PIK3AP1: variants seen among roughly 807,000 people sequenced by gnomAD.
PIK3AP1 encodes phosphoinositide-3-kinase adaptor protein 1, also known as phosphoinositide 3-kinase adapter protein 1.
Under a neutral mutation model 88.1 loss-of-function variants are expected in PIK3AP1, and 21 were observed. The observed-to-expected ratio is 0.24, with a 90% confidence interval of 0.17 to 0.34. The LOEUF (loss-of-function observed/expected upper bound fraction) is 0.34. Ranked by LOEUF, PIK3AP1 falls within the 10% of genes least tolerant of loss-of-function variation. PIK3AP1 has a pLI of 1.00. For missense variants in PIK3AP1, 828 were observed against 1,035.7 expected, an observed-to-expected ratio of 0.80 and a Z score of 2.75; for synonymous variants, 398 against 400.0, an observed-to-expected ratio of 1.00 and a Z score of 0.06.
chr10:96,646,731 TG>T (rs1423449129), intron 7 of PIK3AP1, among the ~76,000 whole-genome samples: 5 of 152,148 alleles, frequency 3.3e-5, no homozygotes, highest in Non-Finnish European at 7.3e-5. Flanking sequence ...GAGATGATCT[TG>T]GATAAAGTGT....
At chr10:96,679,382 G>C (rs1843967871) in intron 2 of PIK3AP1, among the ~76,000 whole-genome samples, 2 of 152,080 alleles carry the variant, frequency 1.3e-5, no homozygotes, top group Admixed American at 6.6e-5. Flanking sequence ...ACAAAAATTA[G>C]CCAGGTGTGG....
chr10:96,700,066 A>G (rs1844275341), intron 2 of PIK3AP1, among the ~76,000 whole-genome samples: 1 of 152,220 alleles, frequency 6.6e-6, no homozygotes, highest in Admixed American at 6.5e-5. Flanking sequence ...AAATTCAGAC[A>G]GAGACAGGTG....
rs35018772 is a variant in PIK3AP1, at chr10:96,677,578, TACACACACACAC to T, written c.431-20656_431-20645del. Among the ~76,000 whole-genome samples, 860 of 121,182 alleles carry T rather than the reference TACACACACACAC, an allele frequency of 7.1e-3. 10 individuals carry two copies. The highest frequency in any genetic ancestry group is 0.023 in the African/African-American group (803 of 34,292). The allele number at this position is 121,182 out of a possible 152,430, so 79.5% of individuals were successfully genotyped here. ...GCTAACTACCTCCTCACTAAGCACA[TACACACACACAC>T]ACACACACACACACACACACACACA... On this transcript the variant is annotated intron_variant, in intron 2 of 16. Transcript: ENST00000339364.
chr10:96,684,804 T>C (rs544027172), intron 2 of PIK3AP1, among the ~76,000 whole-genome samples: 1 of 152,210 alleles, frequency 6.6e-6, no homozygotes, highest in Non-Finnish European at 1.5e-5. Context: ...ATGGAAAACC[T>C]AAATAAGATC....
chr10:96,603,710 A>G, intron 15 of PIK3AP1: 2 of 241,270 alleles, frequency 8.3e-6, no homozygotes, highest in East Asian at 9.6e-5. Context: ...ACACACACAC[A>G]CCACATATAT....
intron 2 of PIK3AP1, among the ~76,000 whole-genome samples, chr10:96,676,041 G>T (rs1342771783): frequency 6.6e-6 from 1 of 152,138 alleles, no homozygotes; most frequent in East Asian, 1.9e-4. Flanking sequence ...ATGAGGGGTT[G>T]CCAGGGTGGG....
At chr10:96,601,744 A>G (rs576189384) in intron 16 of PIK3AP1, among the ~76,000 whole-genome samples, 1 of 152,320 alleles carries the variant, frequency 6.6e-6, no homozygotes, top group East Asian at 1.9e-4. Flanking sequence ...CAATTTTAAA[A>G]GTTGACATTT....
intron 2 of PIK3AP1, among the ~76,000 whole-genome samples, chr10:96,694,192 G>T (rs925821689): frequency 6.6e-6 from 1 of 152,108 alleles, no homozygotes; most frequent in African/African-American, 2.4e-5. Flanking sequence ...AAGTAATAGG[G>T]TAACACTGTT....
chr10:96,608,989 C>T (rs555954065), intron 14 of PIK3AP1, among the ~76,000 whole-genome samples: 87 of 152,284 alleles, frequency 5.7e-4, no homozygotes, highest in African/African-American at 2.0e-3. Flanking sequence ...GCCCTGGATA[C>T]GGGAACAAAG....
chr10:96,597,803 C>T (rs1377976605), intron 16 of PIK3AP1, among the ~76,000 whole-genome samples: 1 of 152,012 alleles, frequency 6.6e-6, no homozygotes, highest in Non-Finnish European at 1.5e-5. Flanking sequence ...AATCTGTTCC[C>T]CAGGTATGCC....
chr10:96,623,390 G>T, intron 11 of PIK3AP1, 82 bp downstream of exon 11: 1 of 1,302,090 alleles, frequency 7.7e-7, no homozygotes, highest in South Asian at 1.2e-5. Flanking sequence ...CAATGTCAAG[G>T]AGCTATTGTT....
rs938610680 is a variant in PIK3AP1 at position 96,720,508 on chromosome 10, C to T, written c.-114G>A. ...GCCGGGCTCCGCGCGGGACCGGCCGCCGCTCTGGCGCTTCCTCCCTCAGGG... is the reference window on the plus strand; with the variant it reads ...GCCGGGCTCCGCGCGGGACCGGCCGTCGCTCTGGCGCTTCCTCCCTCAGGG... On this transcript the variant is annotated 5_prime_UTR_variant, in exon 1 of 17. Transcript: ENST00000339364. This position sits in a 1 kb window ranked among gnomAD's most constrained non-coding sequence, Gnocchi z 4.6. The T allele has an allele frequency of 5.8e-4, 578 of 989,822 alleles. 2 individuals carry two copies. Among genetic ancestry groups the T allele is most frequent in the Non-Finnish European group, 3.6e-4 (280 of 781,704 alleles). The allele number at this position is 989,822 out of a possible 1,614,324, so 61.3% of individuals were successfully genotyped here.
rs533493647 is a variant in PIK3AP1, at chr10:96,665,295, C to T, written c.431-8361G>A. 2.0e-5 allele frequency among the ~76,000 whole-genome samples: 3 copies of T among 152,300 alleles called. No homozygotes were observed. The East Asian group carries it at 5.8e-4, about 29-fold the overall frequency. On this transcript the variant is annotated intron_variant, in intron 2 of 16. Transcript: ENST00000339364. ...AATAAATACTCCTTGAATTCTATGGCAGGAAAAGTCTGTCTCTTCAGAGAA... is the reference window on the plus strand; with the variant it reads ...AATAAATACTCCTTGAATTCTATGGTAGGAAAAGTCTGTCTCTTCAGAGAA...
intron 16 of PIK3AP1, among the ~76,000 whole-genome samples, chr10:96,601,187 A>G (rs1270814467): frequency 6.6e-6 from 1 of 152,102 alleles, no homozygotes; most frequent in East Asian, 1.9e-4. Context: ...AGACAAGGAA[A>G]TTGAGGCTGG....
intron 2 of PIK3AP1, among the ~76,000 whole-genome samples, chr10:96,666,558 A>G (rs1446981713): frequency 2.6e-5 from 4 of 152,170 alleles, no homozygotes; most frequent in African/African-American, 9.7e-5. Context: ...TCTGAAAAAA[A>G]CTATGAATTT....
chr10:96,658,481 G>C (rs756468068), intron 2 of PIK3AP1, among the ~76,000 whole-genome samples: 1 of 152,080 alleles, frequency 6.6e-6, no homozygotes, highest in African/African-American at 2.4e-5. Flanking sequence ...TTGGGGGCAG[G>C]GCTACAGGGC....
chr10:96,695,127 T>G (rs1844203678), intron 2 of PIK3AP1, among the ~76,000 whole-genome samples: 1 of 152,174 alleles, frequency 6.6e-6, no homozygotes, highest in South Asian at 2.1e-4. Context: ...ACAATCACAG[T>G]CAGAGATCTT....
chr10:96,687,659 C>T (rs758490060), intron 2 of PIK3AP1, among the ~76,000 whole-genome samples: 19 of 152,204 alleles, frequency 1.2e-4, no homozygotes, highest in Non-Finnish European at 2.1e-4. Context: ...ATCTCGTACA[C>T]GTATCTCTTG....
chr10:96,710,859 T>C (rs1359553638), intron 1 of PIK3AP1, among the ~76,000 whole-genome samples: 3 of 152,222 alleles, frequency 2.0e-5, no homozygotes, highest in African/African-American at 7.2e-5. Flanking sequence ...AGATATTTCA[T>C]GTAAACTGCT....
Sources: allele counts gnomAD v4.1 joint callset (sites outside exome capture counted in the v4.1 genomes callset), GRCh38; gene constraint gnomAD v4.1.1; non-coding constraint Gnocchi (gnomAD v3.1); transcripts MANE v1.5; gene names NCBI Gene and HGNC (gene_info 2026-07-23, HGNC 2026-07-21).